The following PITPNC1 variants were observed in gnomAD, a reference collection of about 807,000 sequenced individuals.
PITPNC1 encodes the protein phosphatidylinositol transfer protein cytoplasmic 1.
In PITPNC1, 18 loss-of-function variants were observed where a neutral mutation model predicts 44.7. That is an observed-to-expected ratio of 0.40 (90% CI 0.28 to 0.60). The LOEUF (loss-of-function observed/expected upper bound fraction) is 0.60, where lower values mean the gene tolerates loss of function less well. Ranked by LOEUF, PITPNC1 falls within the 20% of genes least tolerant of loss-of-function variation. The pLI is 0.39. For missense variants in PITPNC1, 290 were observed against 418.4 expected (o/e 0.69, Z 2.68); for synonymous variants, 141 against 149.6 (o/e 0.94, Z 0.42).
intron 1 of PITPNC1, among the ~76,000 whole-genome samples, chr17:67,514,155 A>C (rs1310997696): frequency 3.3e-5 from 5 of 152,106 alleles, no homozygotes; most frequent in African/African-American, 9.7e-5. Flanking sequence ...GGAAGACCTC[A>C]AATACTTGGA....
At chr17:67,595,646 C>A (rs993083243) in intron 5 of PITPNC1, among the ~76,000 whole-genome samples, 2 of 152,078 alleles carry the variant, frequency 1.3e-5, no homozygotes, top group African/African-American at 4.8e-5. Context: ...AGCTGTTGCC[C>A]ACCAAATTCT....
At chr17:67,564,946 T>C (rs760828297) in intron 4 of PITPNC1, among the ~76,000 whole-genome samples, 1 of 152,176 alleles carries the variant, frequency 6.6e-6, no homozygotes, top group African/African-American at 2.4e-5. Context: ...GGTATACTAG[T>C]TTTTCAATGT....
chr17:67,480,515 A>G (rs1004531452), intron 1 of PITPNC1, among the ~76,000 whole-genome samples: 1 of 152,232 alleles, frequency 6.6e-6, no homozygotes. Context: ...GAAATATTAT[A>G]TCACCACTGT....
intron 6 of PITPNC1, among the ~76,000 whole-genome samples, chr17:67,668,461 A>C (rs1190196869): frequency 6.6e-6 from 1 of 152,094 alleles, no homozygotes; most frequent in African/African-American, 2.4e-5. Flanking sequence ...GGTGGCTCAC[A>C]CCTGTAATCC....
intron 1 of PITPNC1, among the ~76,000 whole-genome samples, chr17:67,417,265 C>A (rs951099334): frequency 6.6e-6 from 1 of 151,952 alleles, no homozygotes; most frequent in Non-Finnish European, 1.5e-5. Context: ...GTAGCTAGGA[C>A]TACAGGGACA....
At chr17:67,411,828 A>G (rs575168993) in intron 1 of PITPNC1, among the ~76,000 whole-genome samples, 3 of 152,240 alleles carry the variant, frequency 2.0e-5, no homozygotes, top group African/African-American at 7.2e-5. Flanking sequence ...AATCTACACA[A>G]CAATCCTGGG....
chr17:67,678,391 C>T (rs2042642496), intron 8 of PITPNC1, among the ~76,000 whole-genome samples: 1 of 152,072 alleles, frequency 6.6e-6, no homozygotes, highest in African/African-American at 2.4e-5. Flanking sequence ...TGCAAAAAAC[C>T]TTTTCCTTAT....
intron 2 of PITPNC1, among the ~76,000 whole-genome samples, chr17:67,542,711 C>T (rs969171931): frequency 6.6e-6 from 1 of 152,142 alleles, no homozygotes; most frequent in African/African-American, 2.4e-5. Context: ...TGGACCTGAA[C>T]GCATGAGCCG....
intron 8 of PITPNC1, among the ~76,000 whole-genome samples, chr17:67,682,309 G>A (rs141780565): frequency 0.013 from 1,914 of 152,342 alleles, 20 homozygotes; most frequent in Middle Eastern, 0.02. Context: ...TAGTCTCAGT[G>A]TAAATGTTTA....
At chr17:67,614,671 CA>C (rs11460739) in intron 5 of PITPNC1, among the ~76,000 whole-genome samples, 3,760 of 92,522 alleles carry the variant, frequency 0.041, 115 homozygotes, top group East Asian at 0.14. Context: ...GACTCCGTCT[CA>C]AAAAAAAAAA....
chr17:67,454,096 C>T (rs2039222617), intron 1 of PITPNC1, among the ~76,000 whole-genome samples: 1 of 152,006 alleles, frequency 6.6e-6, no homozygotes, highest in African/African-American at 2.4e-5. Flanking sequence ...ACTAAAAATA[C>T]AAAAATTACC....
intron 1 of PITPNC1, among the ~76,000 whole-genome samples, chr17:67,461,762 T>C (rs2039341484): frequency 6.6e-6 from 1 of 152,180 alleles, no homozygotes; most frequent in African/African-American, 2.4e-5. Context: ...TGCAGTGAGC[T>C]GTGACTGCAC....
At chr17:67,432,587 G>A (rs1414419428) in intron 1 of PITPNC1, among the ~76,000 whole-genome samples, 4 of 152,148 alleles carry the variant, frequency 2.6e-5, no homozygotes, top group Non-Finnish European at 4.4e-5. Flanking sequence ...ATAAAGGTCC[G>A]TGTATAATTT....
chr17:67,548,052 C>T (rs984632151), intron 2 of PITPNC1, among the ~76,000 whole-genome samples: 1 of 152,168 alleles, frequency 6.6e-6, no homozygotes, highest in African/African-American at 2.4e-5. Flanking sequence ...GCCCACCCCA[C>T]CTCGCCTCTG....
chr17:67,497,372 T>A (rs1017589632), intron 1 of PITPNC1, among the ~76,000 whole-genome samples: 2 of 151,876 alleles, frequency 1.3e-5, no homozygotes, highest in Non-Finnish European at 2.9e-5. Flanking sequence ...AGTCACCCTG[T>A]GCAGGCACAC....
intron 1 of PITPNC1, among the ~76,000 whole-genome samples, chr17:67,431,814 G>C (rs1249767626): frequency 6.6e-6 from 1 of 152,154 alleles, no homozygotes; most frequent in Non-Finnish European, 1.5e-5. Context: ...ACCAAAAGAT[G>C]AGTCACTCTG....
chr17:67,652,085 C>A (rs753748954), intron 6 of PITPNC1, among the ~76,000 whole-genome samples: 1 of 152,188 alleles, frequency 6.6e-6, no homozygotes, highest in Non-Finnish European at 1.5e-5. Flanking sequence ...TCCTGCTTAG[C>A]CTTTTTTCAT....
chr17:67,620,320 C>G (rs1212236347), intron 5 of PITPNC1, among the ~76,000 whole-genome samples: 1 of 152,158 alleles, frequency 6.6e-6, no homozygotes, highest in Non-Finnish European at 1.5e-5. Context: ...TCCCAAAGTC[C>G]TGGGATTACA....
chr17:67,688,471 T>G (rs577296260), intron 8 of PITPNC1, among the ~76,000 whole-genome samples: 84 of 152,200 alleles, frequency 5.5e-4, no homozygotes, highest in Non-Finnish European at 6.5e-4. Context: ...GAGCATGTCT[T>G]TGGAATGTGC....
Sources: gnomAD v4.1 joint callset for allele counts (sites outside exome capture counted in the v4.1 genomes callset) on GRCh38, gnomAD v4.1.1 for gene constraint, MANE v1.5 for transcripts, NCBI Gene and HGNC (gene_info 2026-07-23, HGNC 2026-07-21) for gene names.